ZFHX3: variants seen among roughly 807,000 people sequenced by gnomAD.
The protein encoded by ZFHX3 is zinc finger homeobox protein 3.
In ZFHX3, 42 loss-of-function variants were observed where a neutral mutation model predicts 279.1. That is an observed-to-expected ratio of 0.15 (90% CI 0.12 to 0.19). The LOEUF is 0.19. Among genes scored for constraint, ZFHX3 ranks in the 10% least tolerant of loss-of-function variants. ZFHX3 has a pLI of 1.00. For missense variants in ZFHX3, 4,981 were observed against 4,754.0 expected (o/e 1.05, Z -1.40); for synonymous variants, 2,293 against 1,957.8 (o/e 1.17, Z -4.52).
intron 3 of ZFHX3, among the ~76,000 whole-genome samples, chr16:72,906,098 A>AC (rs545291890): frequency 2.6e-5 from 4 of 151,514 alleles, no homozygotes; most frequent in East Asian, 2.0e-4. Flanking sequence ...TGACTGGCCA[A>AC]CCCCCCGATA....
chr16:73,880,024 G>C lies in ZFHX3; in HGVS notation c.-1608+11627C>G, dbSNP rs549528651. 1.8e-4 allele frequency among the ~76,000 whole-genome samples: 27 copies of C among 152,274 alleles called. No homozygotes were observed. The South Asian group carries it at 5.6e-3, about 32-fold the overall frequency. The stretch of plus-strand genomic sequence containing the variant: ...TGGTGTGTGAAACAACATTTTTAAA[G>C]GAACTAAGAACATGGTGGAATCGGC... On this transcript the variant is annotated intron_variant, in intron 1 of 17. Coordinates refer to the ZFHX3 transcript ENST00000641206.
intron 3 of ZFHX3, among the ~76,000 whole-genome samples, chr16:73,367,144 C>G (rs894674267): frequency 2.0e-5 from 3 of 152,160 alleles, no homozygotes; most frequent in African/African-American, 7.2e-5. Flanking sequence ...GAAGGAATCT[C>G]TTACTAAAAT....
At chr16:72,834,962 C>T (rs1488125019) in intron 4 of ZFHX3, among the ~76,000 whole-genome samples, 1 of 152,142 alleles carries the variant, frequency 6.6e-6, no homozygotes, top group South Asian at 2.1e-4. Context: ...CAGGATAATG[C>T]AGATTAATTC....
intron 5 of ZFHX3, among the ~76,000 whole-genome samples, chr16:73,155,180 C>CAAAAAAAAAAA (rs780941621): frequency 3.8e-5 from 4 of 104,922 alleles, no homozygotes; most frequent in Admixed American, 1.8e-4. Context: ...CTCAAAAAAA[C>CAAAAAAAAAAA]AAAAAAAAAA....
At position 72,811,994 on chromosome 16, in the gene ZFHX3, T is replaced by C. The variant is rs376056958; in HGVS notation, c.3574A>G (p.Thr1192Ala). The C allele has an allele frequency of 3.7e-6, 6 of 1,613,930 alleles. No homozygotes were observed. The highest frequency in any genetic ancestry group is 1.6e-4 in the Middle Eastern group (1 of 6,082). ...CCTGGGAAGGAGATGCGTTTGGAGGTTGCAGGAGAATCTGTCAGCTCCTTC... is the reference window on the plus strand; with the variant it reads ...CCTGGGAAGGAGATGCGTTTGGAGGCTGCAGGAGAATCTGTCAGCTCCTTC... ...AEKELTDSPATSKRISFPGSS... is the reference protein window; with the variant it reads ...AEKELTDSPAASKRISFPGSS... The change falls in exon 6 of 10, where the codon ACC becomes GCC. Residue 1192 changes from threonine to alanine, a missense_variant. By Grantham distance (58) the Thr-to-Ala change is moderately conservative (BLOSUM62 0). This residue lies in a region of ZFHX3 where 1,751 missense variants were observed against 1,770.0 expected (regional missense o/e 0.99). Transcript: ENST00000268489.
chr16:73,566,723 T>C (rs2020456028), intron 2 of ZFHX3, among the ~76,000 whole-genome samples: 1 of 146,876 alleles, frequency 6.8e-6, no homozygotes, highest in Non-Finnish European at 1.5e-5. Flanking sequence ...AGACAGAGTT[T>C]CACTCTTGTT....
chr16:72,869,326 C>T (rs185699298), intron 4 of ZFHX3, among the ~76,000 whole-genome samples: 92 of 152,268 alleles, frequency 6.0e-4, no homozygotes, highest in Admixed American at 1.3e-3. Flanking sequence ...CCAGCCAGAG[C>T]CCTCGCCAAC....
intron 5 of ZFHX3, among the ~76,000 whole-genome samples, chr16:72,826,075 C>T (rs190666788): frequency 1.6e-4 from 24 of 152,280 alleles, no homozygotes; most frequent in African/African-American, 4.6e-4. Flanking sequence ...CCCAGTGCCT[C>T]GCATGGGGTA....
chr16:72,986,889 T>A (rs1401408027), intron 1 of ZFHX3, among the ~76,000 whole-genome samples: 1 of 152,156 alleles, frequency 6.6e-6, no homozygotes, highest in Non-Finnish European at 1.5e-5. Context: ...CTCATACCTG[T>A]AATTCCAGAA....
chr16:73,227,447 C>A (rs1359705045), intron 5 of ZFHX3, among the ~76,000 whole-genome samples: 1 of 152,124 alleles, frequency 6.6e-6, no homozygotes, highest in Non-Finnish European at 1.5e-5. Context: ...CAATTACCAC[C>A]TTTTTCTTCC....
intron 2 of ZFHX3, among the ~76,000 whole-genome samples, chr16:73,572,654 G>C (rs825679): frequency 0.64 from 96,769 of 151,932 alleles, 31,863 homozygotes; most frequent in African/African-American, 0.8. Flanking sequence ...GTCTGTCATG[G>C]TGAATACCAA....
rs367908326 is a variant in ZFHX3, at chr16:72,800,171, G to T, written c.3865-42C>A. 4 of 1,522,584 alleles carry T rather than the reference G, an allele frequency of 2.6e-6. No homozygotes were observed. In the African/African-American group the frequency reaches 4.1e-5, roughly 16 times the overall value. 94.3% of individuals were successfully genotyped at this position (1,522,584 alleles called of 1,614,324 possible). A position where few individuals can be genotyped will look rare whatever the true frequency, so the allele number is the denominator to read the frequency against. On this transcript the variant is annotated intron_variant, in intron 7 of 9. Transcript: ENST00000268489. ...AGGAGAGTCAAATGGAGAGGAAAGC[G>T]ACACAAAATAGGAAATGTTTAAAAA...
chr16:73,124,150 G>T lies in ZFHX3; in HGVS notation c.-897+6818C>A, dbSNP rs146500879. On this transcript the variant is annotated intron_variant, in intron 7 of 17. Transcript: ENST00000641206. ...AGAGCTATTATAATAGTGTGTTTTG[G>T]CCTGTTCCGGCTGCCGTAACAAAAT... is the stretch of plus-strand genomic sequence containing the variant. Among the ~76,000 whole-genome samples, 25 of 152,210 alleles carry T rather than the reference G, an allele frequency of 1.6e-4. No homozygotes were observed. In the East Asian group the frequency reaches 3.5e-3, roughly 21 times the overall value.
At chr16:72,907,830 C>T (rs1310635113) in intron 3 of ZFHX3, among the ~76,000 whole-genome samples, 1 of 151,834 alleles carries the variant, frequency 6.6e-6, no homozygotes, top group African/African-American at 2.4e-5. Context: ...ACCACAGGCC[C>T]GTGCTACCAT....
chr16:72,819,364 G>A (rs1456110129), intron 5 of ZFHX3, among the ~76,000 whole-genome samples: 2 of 152,110 alleles, frequency 1.3e-5, no homozygotes, highest in African/African-American at 4.8e-5. Context: ...TAGTTAAGAA[G>A]TCGATCTCAA....
chr16:72,817,982 C>T (rs775764354), intron 5 of ZFHX3, among the ~76,000 whole-genome samples: 3 of 152,180 alleles, frequency 2.0e-5, no homozygotes, highest in Non-Finnish European at 2.9e-5. Context: ...TGCTACTTTC[C>T]GTAAGCCAGA....
intron 1 of ZFHX3, among the ~76,000 whole-genome samples, chr16:73,765,482 G>C (rs901536137): frequency 1.3e-5 from 2 of 152,202 alleles, no homozygotes; most frequent in South Asian, 4.1e-4. Flanking sequence ...AGAATAGAAA[G>C]AATTGTGAGG....
At chr16:73,142,241 C>T (rs932143208) in intron 6 of ZFHX3, among the ~76,000 whole-genome samples, 1 of 152,210 alleles carries the variant, frequency 6.6e-6, no homozygotes, top group African/African-American at 2.4e-5. Flanking sequence ...TTTGCCCTGC[C>T]TGCTCTCCTG....
At position 73,803,344 on chromosome 16, in the gene ZFHX3, T is replaced by C. The variant is rs549776910; in HGVS notation, c.-1608+88307A>G. Among the ~76,000 whole-genome samples the C allele has an allele frequency of 3.3e-5, 5 of 152,330 alleles. No individual in the cohort carries two copies. In the South Asian group the frequency reaches 8.3e-4, roughly 25 times the overall value. On this transcript the variant is annotated intron_variant, in intron 1 of 17. Transcript: ENST00000641206. ...CAGTGTTGAGGTATATCAGTTGTCA[T>C]TGTTGACAAAACTTAAGACCTTGAT...
Sources: allele counts gnomAD v4.1 joint callset (sites outside exome capture counted in the v4.1 genomes callset), GRCh38; gene constraint gnomAD v4.1.1; regional missense constraint gnomAD v4.1.1; transcripts MANE v1.5; gene names NCBI Gene and HGNC (gene_info 2026-07-23, HGNC 2026-07-21).